The following GALNTL6 variants were observed in gnomAD, a reference collection of about 807,000 sequenced individuals.
The protein encoded by GALNTL6 is polypeptide N-acetylgalactosaminyltransferase like 6.
A neutral mutation model predicts 73.7 loss-of-function variants in GALNTL6; 46 were observed. That is an observed-to-expected ratio of 0.62 (90% CI 0.49 to 0.80). The LOEUF (loss-of-function observed/expected upper bound fraction) is 0.80, where lower values mean the gene tolerates loss of function less well. GALNTL6 is among the 30% of genes least tolerant of loss of function. GALNTL6 has a pLI of 0.00. For synonymous variants in GALNTL6, 259 were observed against 263.7 expected (o/e 0.98, Z 0.17); for missense variants, 604 against 755.0 (o/e 0.80, Z 2.34).
intron 2 of GALNTL6, among the ~76,000 whole-genome samples, chr4:172,217,364 A>G (rs1736528252): frequency 6.6e-6 from 1 of 152,232 alleles, no homozygotes; most frequent in South Asian, 2.1e-4. Flanking sequence ...CAATAAACCC[A>G]TCTGATGAGA....
At chr4:171,828,284 C>A (rs1331256080) in intron 2 of GALNTL6, among the ~76,000 whole-genome samples, 1 of 152,130 alleles carries the variant, frequency 6.6e-6, no homozygotes, top group Non-Finnish European at 1.5e-5. Flanking sequence ...GAGAAGTGAG[C>A]AGTTCATCTG....
chr4:172,203,866 T>C (rs376646809), intron 2 of GALNTL6, among the ~76,000 whole-genome samples: 1 of 152,054 alleles, frequency 6.6e-6, no homozygotes, highest in Admixed American at 6.6e-5. Context: ...CCTGCCTCAG[T>C]CTCCCGAGTA....
chr4:171,824,396 A>G (rs962558639), intron 2 of GALNTL6, among the ~76,000 whole-genome samples: 3 of 152,012 alleles, frequency 2.0e-5, no homozygotes, highest in Admixed American at 2.0e-4. Flanking sequence ...TGGACAAATT[A>G]CTTATCTTCC....
At chr4:172,565,232 G>C (rs546740268) in intron 5 of GALNTL6, among the ~76,000 whole-genome samples, 1 of 152,142 alleles carries the variant, frequency 6.6e-6, no homozygotes, top group South Asian at 2.1e-4. Flanking sequence ...AGGTTTTAAC[G>C]TACTAATTTT....
At chr4:172,282,383 C>A (rs79410119) in intron 3 of GALNTL6, among the ~76,000 whole-genome samples, 2,667 of 152,216 alleles carry the variant, frequency 0.018, 80 homozygotes, top group African/African-American at 0.061. Context: ...ACATGCTACC[C>A]AGATTATCAT....
intron 2 of GALNTL6, among the ~76,000 whole-genome samples, chr4:172,088,530 TG>T (rs996924719): frequency 6.6e-6 from 1 of 152,174 alleles, no homozygotes; most frequent in Non-Finnish European, 1.5e-5. Context: ...ATGCTTTTTA[TG>T]GGGAAAATGA....
At chr4:171,885,858 T>C (rs1029760249) in intron 2 of GALNTL6, among the ~76,000 whole-genome samples, 1 of 152,146 alleles carries the variant, frequency 6.6e-6, no homozygotes, top group African/African-American at 2.4e-5. Flanking sequence ...TTTATATTAG[T>C]ATTGATTTTA....
intron 7 of GALNTL6, among the ~76,000 whole-genome samples, chr4:172,858,080 C>G (rs1372562252): frequency 6.6e-6 from 1 of 152,168 alleles, no homozygotes; most frequent in Non-Finnish European, 1.5e-5. Flanking sequence ...GAATAGTACT[C>G]AATTTAGATA....
At chr4:172,317,614 A>C (rs553588794) in intron 4 of GALNTL6, among the ~76,000 whole-genome samples, 1 of 152,348 alleles carries the variant, frequency 6.6e-6, no homozygotes, top group Non-Finnish European at 1.5e-5. Context: ...CTTTCAGATA[A>C]GATTTTGTAA....
chr4:172,256,074 TATA>T (rs949352220), intron 3 of GALNTL6, among the ~76,000 whole-genome samples: 4 of 151,554 alleles, frequency 2.6e-5, no homozygotes, highest in African/African-American at 7.2e-5. Flanking sequence ...GCTTTTATTT[TATA>T]ATATGTTATG....
At chr4:172,866,756 T>C (rs919277549) in intron 7 of GALNTL6, among the ~76,000 whole-genome samples, 7 of 152,170 alleles carry the variant, frequency 4.6e-5, no homozygotes, top group Non-Finnish European at 8.8e-5. Flanking sequence ...CCCTGCCTTT[T>C]CCCTGGCCAA....
chr4:172,601,835 T>C (rs1738061282), intron 5 of GALNTL6, among the ~76,000 whole-genome samples: 1 of 151,974 alleles, frequency 6.6e-6, no homozygotes, highest in African/African-American at 2.4e-5. Context: ...GTGGCTGAAA[T>C]TTACCAAATT....
rs1041546408 is a variant in GALNTL6, at chr4:172,484,655, T to C, written c.553+135966T>C. On this transcript the variant is annotated intron_variant, in intron 5 of 12. Coordinates refer to ENST00000506823, the MANE Select transcript of GALNTL6 (RefSeq NM_001034845.3). ...AATGTCAATAGCAGTAGCACCTTAT[T>C]AAGTGCATCACAGACAGAAGTAAAT... is the stretch of plus-strand genomic sequence containing the variant. 2.0e-5 allele frequency among the ~76,000 whole-genome samples: 3 copies of C among 152,208 alleles called. No homozygotes were observed. In the South Asian group the frequency reaches 6.2e-4, roughly 31 times the overall value.
intron 12 of GALNTL6, among the ~76,000 whole-genome samples, chr4:173,034,189 C>T (rs944670491): frequency 3.9e-5 from 6 of 152,148 alleles, no homozygotes; most frequent in Non-Finnish European, 7.3e-5. Context: ...CCATTGGTCT[C>T]GTTTTTGCAT....
intron 2 of GALNTL6, among the ~76,000 whole-genome samples, chr4:171,878,344 T>C (rs1418372225): frequency 6.6e-6 from 1 of 152,236 alleles, no homozygotes; most frequent in Non-Finnish European, 1.5e-5. Flanking sequence ...TAGCTACTTT[T>C]GTTTTGACAG....
chr4:172,451,788 T>C (rs900332544), intron 5 of GALNTL6, among the ~76,000 whole-genome samples: 1 of 152,088 alleles, frequency 6.6e-6, no homozygotes, highest in Non-Finnish European at 1.5e-5. Flanking sequence ...GGAGAATTGC[T>C]TGAGGCCAGG....
chr4:172,041,204 G>C lies in GALNTL6; in HGVS notation c.139-188452G>C, dbSNP rs76128816. 3.8e-3 allele frequency among the ~76,000 whole-genome samples: 571 copies of C among 152,064 alleles called. 5 individuals are homozygous for C. The highest frequency in any genetic ancestry group is 0.013 in the African/African-American group (536 of 41,528). On this transcript the variant is annotated intron_variant, in intron 2 of 12. Coordinates refer to ENST00000506823, the MANE Select transcript of GALNTL6 (RefSeq NM_001034845.3). ...ATTGATCCCTATGAATCAGAACTTT[G>C]ACACTCACAATAGCAAGGAAAGTGG...
intron 5 of GALNTL6, among the ~76,000 whole-genome samples, chr4:172,490,087 C>G (rs541973492): frequency 6.6e-6 from 1 of 152,124 alleles, no homozygotes; most frequent in African/African-American, 2.4e-5. Flanking sequence ...ACTGAATACT[C>G]TCTGCAGGAG....
At chr4:172,245,803 A>G (rs2111002820) in intron 3 of GALNTL6, among the ~76,000 whole-genome samples, 1 of 152,274 alleles carries the variant, frequency 6.6e-6, no homozygotes, top group Non-Finnish European at 1.5e-5. Flanking sequence ...CTAGAGAAGG[A>G]AAAGTGCCAG....
Sources: gnomAD v4.1 joint callset for allele counts (sites outside exome capture counted in the v4.1 genomes callset) on GRCh38, gnomAD v4.1.1 for gene constraint, MANE v1.5 for transcripts, NCBI Gene and HGNC (gene_info 2026-07-23, HGNC 2026-07-21) for gene names.